The following RBM27 variants were observed in gnomAD, a reference collection of about 807,000 sequenced individuals.
The protein encoded by RBM27 is RNA binding motif protein 27.
Under a neutral mutation model 135.3 loss-of-function variants are expected in RBM27, and 22 were observed. That is an observed-to-expected ratio of 0.16 (90% CI 0.12 to 0.23). RBM27 has a LOEUF of 0.23. Among genes scored for constraint, RBM27 ranks in the 10% least tolerant of loss-of-function variants. The pLI is 1.00. For missense variants in RBM27, 1,009 were observed against 1,281.0 expected, an observed-to-expected ratio of 0.79 and a Z score of 3.24; for synonymous variants, 481 against 442.4, an observed-to-expected ratio of 1.09 and a Z score of -1.10.
intron 8 of RBM27, among the ~76,000 whole-genome samples, chr5:146,249,822 G>T (rs189294453): frequency 5.3e-5 from 8 of 151,566 alleles, no homozygotes; most frequent in Admixed American, 5.3e-4. Context: ...TAAGTTCCAG[G>T]GTACATATGT....
chr5:146,247,584 G>T (rs1003632285), intron 8 of RBM27, among the ~76,000 whole-genome samples: 1 of 152,004 alleles, frequency 6.6e-6, no homozygotes. Context: ...TTGTCCTAAA[G>T]AATTTTCTCA....
At chr5:146,211,427 A>C (rs1052214002) in intron 1 of RBM27, among the ~76,000 whole-genome samples, 4 of 142,274 alleles carry the variant, frequency 2.8e-5, no homozygotes, top group Non-Finnish European at 4.6e-5. Flanking sequence ...GTGAAAGTCA[A>C]CTCCATTTTT....
At chr5:146,260,705 A>T in intron 11 of RBM27, 40 bp from the exon 12 acceptor site, 1 of 1,521,318 alleles carries the variant, frequency 6.6e-7, no homozygotes. Flanking sequence ...CTAGGCATGA[A>T]GTAGGAGAAT....
At position 146,233,522 on chromosome 5, in the gene RBM27, T is replaced by C. The variant is rs1757026328; in HGVS notation, c.923T>C (p.Val308Ala). Residue 308 changes from valine (V) to alanine (A), a missense_variant, in exon 7 of 21, where the codon GTT becomes GCT. By Grantham distance (64) the Val-to-Ala change is moderately conservative. Coordinates refer to ENST00000265271, the MANE Select transcript of RBM27 (RefSeq NM_018989.2). The stretch of plus-strand genomic sequence containing the variant: ...AATGATCCCCTAGTTGTTGATGAAG[T>C]TGCTCTGCCAAGTATGATTCCTTTC... ...HGNDPLVVDEVALPSMIPFPP... is the reference protein window; with the variant it reads ...HGNDPLVVDEAALPSMIPFPP... 1 of 1,611,870 alleles carries C rather than the reference T, an allele frequency of 6.2e-7. No homozygotes were observed. Among genetic ancestry groups the C allele is most frequent in the Non-Finnish European group, 8.5e-7 (1 of 1,179,398 alleles).
intron 19 of RBM27, among the ~76,000 whole-genome samples, chr5:146,281,136 C>T (rs1346994131): frequency 6.6e-6 from 1 of 152,094 alleles, no homozygotes; most frequent in East Asian, 1.9e-4. Flanking sequence ...AGCCCCTGCG[C>T]CCAGCCTTTG....
chr5:146,285,905 A>T, intron 20 of RBM27, 42 bp from the exon 21 acceptor site: 2 of 1,481,726 alleles, frequency 1.3e-6, no homozygotes, highest in Non-Finnish European at 1.9e-6. Context: ...TTTACTTACC[A>T]TTCTTGTGCC....
At position 146,223,487 on chromosome 5, in the gene RBM27, C is replaced by A; in HGVS notation, c.263C>A (p.Pro88Gln). The A allele has an allele frequency of 6.2e-7, 1 of 1,609,034 alleles. No homozygotes were observed. Among genetic ancestry groups the A allele is most frequent in the Non-Finnish European group, 8.5e-7 (1 of 1,177,892 alleles). Reference protein sequence around the residue: ...LPLLEPVKPEPKPLVQEKEEI... With the variant: ...LPLLEPVKPEQKPLVQEKEEI... ...CTTTTGGAACCAGTAAAGCCTGAGC[C>A]AAAACCACTAGTCCAAGAAAAAGAA... The change falls in exon 3 of 21, where the codon CCA becomes CAA. Residue 88 changes from proline to glutamine, a missense_variant. By Grantham distance (76) the Pro-to-Gln change is moderately conservative (BLOSUM62 -1). Around this residue, in one of 6 missense-constraint regions of RBM27, gnomAD observed 268 missense variants for 326.6 expected, o/e 0.82. Coordinates refer to ENST00000265271, the MANE Select transcript of RBM27 (RefSeq NM_018989.2).
intron 1 of RBM27, among the ~76,000 whole-genome samples, chr5:146,211,464 C>CTTTTTTTTTTTTTTTTTGTTTTTTTT (rs1755944750): frequency 2.0e-5 from 1 of 49,904 alleles, no homozygotes; most frequent in Non-Finnish European, 3.7e-5. Flanking sequence ...ATGGTCTTAT[C>CTTTTTTTTTTTTTTTTTGTTTTTTTT]TTTTTTTTTT....
intron 14 of RBM27, 25 bp from the exon 15 acceptor site, chr5:146,267,624 C>CTTTT: frequency 9.1e-7 from 1 of 1,098,806 alleles, no homozygotes; most frequent in Non-Finnish European, 1.3e-6. Context: ...TTTGTGTGTG[C>CTTTT]TTTTTTTTTT....
intron 13 of RBM27, among the ~76,000 whole-genome samples, chr5:146,262,664 T>C (rs140904956): frequency 1.3e-5 from 2 of 152,372 alleles, no homozygotes; most frequent in East Asian, 1.9e-4. Context: ...CTTTCAGTTA[T>C]GTTTGTATCC....
intron 6 of RBM27, among the ~76,000 whole-genome samples, chr5:146,232,858 C>T (rs1170009633): frequency 1.3e-5 from 2 of 152,198 alleles, no homozygotes; most frequent in African/African-American, 4.8e-5. Context: ...TGAGCGACTG[C>T]GCCCAGCCCT....
rs1759510452 is a variant in RBM27 at position 146,284,634 on chromosome 5, G to T, written c.3001G>T (p.Gly1001Trp). 6.2e-7 allele frequency: 1 copy of T among 1,611,732 alleles called. No individual in the cohort carries two copies. The highest frequency in any genetic ancestry group is 2.2e-5 in the East Asian group (1 of 44,790). Reference sequence around the variant, plus strand: ...ATATATATTTTAGACCGCAAACCAAGGGCCAAAATTTAAAGACCGTCGGCT... The same window carrying T: ...ATATATATTTTAGACCGCAAACCAATGGCCAAAATTTAAAGACCGTCGGCT... ...LLQHFSTANQ[G>W]PKFKDRRLQI... The change falls in exon 20 of 21, where the codon GGG becomes TGG. Residue 1001 changes from glycine (G) to tryptophan (W), a missense_variant. By Grantham distance (184) the Gly-to-Trp change is radical. This residue lies in a region of RBM27 where 355 missense variants were observed against 427.3 expected (regional missense o/e 0.83). Coordinates refer to ENST00000265271, the MANE Select transcript of RBM27 (RefSeq NM_018989.2).
At chr5:146,223,251 G>C (rs1756532118) in intron 2 of RBM27, 152 bp from the exon 3 acceptor site, 1 of 487,238 alleles carries the variant, frequency 2.1e-6, no homozygotes, top group East Asian at 3.8e-5. Context: ...TTAAAAACCT[G>C]AAAGTGGGAT....
At chr5:146,284,276 T>C (rs550036062) in intron 19 of RBM27, among the ~76,000 whole-genome samples, 2 of 152,266 alleles carry the variant, frequency 1.3e-5, no homozygotes, top group South Asian at 2.1e-4. Context: ...TATGTAGATA[T>C]CAAAGCCAAA....
At chr5:146,227,877 ATTAC>A (rs1228432754) in intron 3 of RBM27, among the ~76,000 whole-genome samples, 1 of 152,230 alleles carries the variant, frequency 6.6e-6, no homozygotes, top group Non-Finnish European at 1.5e-5. Flanking sequence ...GTTTACATGA[ATTAC>A]TTAGTTTTAT....
chr5:146,207,702 TG>T (rs1173077043), intron 1 of RBM27, among the ~76,000 whole-genome samples: 1 of 150,186 alleles, frequency 6.7e-6, no homozygotes, highest in African/African-American at 2.5e-5. Context: ...TCGCCCAGGC[TG>T]GAGTGCAGTG....
intron 17 of RBM27, among the ~76,000 whole-genome samples, chr5:146,270,619 A>T (rs918021792): frequency 6.6e-6 from 1 of 152,136 alleles, no homozygotes; most frequent in Admixed American, 6.5e-5. Context: ...TTATAAATAC[A>T]TTTTTACTAT....
At position 146,228,927 on chromosome 5, in the gene RBM27, A is replaced by T; in HGVS notation, c.304-19A>T. The T allele has an allele frequency of 6.2e-7, 1 of 1,605,986 alleles. No individual in the cohort carries two copies. Among genetic ancestry groups the T allele is most frequent in the Non-Finnish European group, 8.5e-7 (1 of 1,173,428 alleles). On this transcript the variant is annotated intron_variant, in intron 3 of 20. Coordinates refer to ENST00000265271, the MANE Select transcript of RBM27 (RefSeq NM_018989.2). The stretch of plus-strand genomic sequence containing the variant: ...CGTGCCTGGCCCTGCTCTTACTTCT[A>T]CTCAATATTTTCATATAGGTATTTC...
At chr5:146,233,347 A>G (rs149889785) in intron 6 of RBM27, 103 bp from the exon 7 acceptor site, 14 of 1,466,188 alleles carry the variant, frequency 9.5e-6, no homozygotes, top group Non-Finnish European at 1.3e-5. Flanking sequence ...GGAGAAAACC[A>G]CTTTGTAAAT....
Sources: gnomAD v4.1 joint callset for allele counts (sites outside exome capture counted in the v4.1 genomes callset) on GRCh38, gnomAD v4.1.1 for gene constraint, gnomAD v4.1.1 regional missense constraint, MANE v1.5 for transcripts, NCBI Gene and HGNC (gene_info 2026-07-23, HGNC 2026-07-21) for gene names.